Variants in NTM observed in about 807,000 individuals in gnomAD.
NTM encodes the protein neurotrimin, also known as IgLON family member 2.
NTM carries 13 observed loss-of-function variants against 42.1 expected under a neutral mutation model. The ratio of observed to expected loss-of-function variants is 0.31; its 90% CI spans 0.20 to 0.49. NTM has a LOEUF of 0.49. NTM is among the 20% of genes least tolerant of loss of function. NTM has a pLI of 0.99. For missense variants in NTM, 373 were observed against 452.8 expected, an observed-to-expected ratio of 0.82 and a Z score of 1.60; for synonymous variants, 187 against 179.2, an observed-to-expected ratio of 1.04 and a Z score of -0.35.
intron 1 of NTM, among the ~76,000 whole-genome samples, chr11:131,427,538 T>C (rs1384107363): frequency 1.3e-5 from 2 of 152,138 alleles, no homozygotes; most frequent in Non-Finnish European, 2.9e-5. Context: ...TAAATAAAAG[T>C]TTGAAATTCC....
chr11:131,954,828 C>A (rs753012531), intron 2 of NTM, among the ~76,000 whole-genome samples: 5 of 152,130 alleles, frequency 3.3e-5, no homozygotes, highest in Non-Finnish European at 7.4e-5. Flanking sequence ...TGAATTCAAT[C>A]TTTTGTTACC....
At chr11:131,855,170 C>T (rs1158905707) in intron 1 of NTM, among the ~76,000 whole-genome samples, 5 of 152,070 alleles carry the variant, frequency 3.3e-5, no homozygotes, top group Non-Finnish European at 7.4e-5. Context: ...AAATTTAGAA[C>T]AATTTAAGCG....
At chr11:132,096,074 C>T (rs2136472503) in intron 2 of NTM, among the ~76,000 whole-genome samples, 1 of 152,320 alleles carries the variant, frequency 6.6e-6, no homozygotes, top group South Asian at 2.1e-4. Flanking sequence ...AGAGTGCAGT[C>T]AAGCCTCAGT....
At chr11:131,733,479 C>A (rs186754124) in intron 1 of NTM, among the ~76,000 whole-genome samples, 1 of 140,358 alleles carries the variant, frequency 7.1e-6, no homozygotes, top group Non-Finnish European at 1.6e-5. Context: ...TCCTTCCTTC[C>A]TTCCTTCCTT....
At chr11:131,926,818 C>T (rs497747) in intron 2 of NTM, among the ~76,000 whole-genome samples, 85,446 of 152,000 alleles carry the variant, frequency 0.56, 24,578 homozygotes, top group East Asian at 0.93. Context: ...CATCCAGCCG[C>T]GAGGATCCGG....
At chr11:131,643,269 A>C (rs1345627923) in intron 1 of NTM, among the ~76,000 whole-genome samples, 1 of 152,236 alleles carries the variant, frequency 6.6e-6, no homozygotes, top group African/African-American at 2.4e-5. Flanking sequence ...TATCAACAGG[A>C]GACTCCTGCT....
chr11:132,304,506 G>A (rs1361525289), intron 4 of NTM, among the ~76,000 whole-genome samples: 2 of 151,722 alleles, frequency 1.3e-5, no homozygotes, highest in African/African-American at 4.8e-5. Flanking sequence ...GCTTTTAAAC[G>A]AAACTTTTCG....
chr11:132,003,926 C>G lies in NTM; in HGVS notation c.167+92278C>G, dbSNP rs1343864755. Among the ~76,000 whole-genome samples, 2 of 152,166 alleles carry G rather than the reference C, an allele frequency of 1.3e-5. No homozygotes were observed. Among genetic ancestry groups the G allele is most frequent in the Non-Finnish European group, 2.9e-5 (2 of 68,026 alleles). ...GAACATTCTTTAGCCACTCGATGGC[C>G]CAGAGCCCCATCCTCATTGTTCAGG... On this transcript the variant is annotated intron_variant, in intron 2 of 8. Transcript: ENST00000683400. The surrounding 1 kb of genome is among the most constrained non-coding windows in gnomAD (Gnocchi z 6.0).
chr11:131,500,632 C>T (rs866361635), intron 1 of NTM, among the ~76,000 whole-genome samples: 101 of 143,746 alleles, frequency 7.0e-4, no homozygotes, highest in Middle Eastern at 4.1e-3. Flanking sequence ...ATGGGCACAA[C>T]GTGCAGGTTT....
chr11:131,740,080 G>A (rs886489903), intron 1 of NTM, among the ~76,000 whole-genome samples: 1 of 152,172 alleles, frequency 6.6e-6, no homozygotes, highest in South Asian at 2.1e-4. Context: ...TTTGGTCACC[G>A]ACTCTCAGTT....
chr11:131,390,783 C>T (rs1206185446), intron 1 of NTM, among the ~76,000 whole-genome samples: 1 of 152,108 alleles, frequency 6.6e-6, no homozygotes, highest in African/African-American at 2.4e-5. Flanking sequence ...ATTCTCAAGC[C>T]CCACCCCCAG....
At chr11:132,012,085 T>C (rs1470498004) in intron 2 of NTM, among the ~76,000 whole-genome samples, 2 of 152,208 alleles carry the variant, frequency 1.3e-5, no homozygotes, top group African/African-American at 4.8e-5. Context: ...CGATGCTCTT[T>C]GATTCATTTT....
At chr11:132,176,643 A>G (rs1314859640) in intron 3 of NTM, among the ~76,000 whole-genome samples, 3 of 149,754 alleles carry the variant, frequency 2.0e-5, no homozygotes, top group Non-Finnish European at 3.0e-5. Context: ...GTGTTATTAT[A>G]TTCATATATT....
chr11:131,411,553 GTGT>G (rs1565475047), intron 1 of NTM, among the ~76,000 whole-genome samples: 1 of 146,060 alleles, frequency 6.8e-6, no homozygotes, highest in African/African-American at 2.7e-5. Flanking sequence ...GTGTGTGTGT[GTGT>G]GTGTGTGTGT....
intron 2 of NTM, chr11:131,981,146 C>G (rs2065167556): frequency 6.6e-6 from 1 of 152,156 alleles, no homozygotes; most frequent in Admixed American, 6.6e-5. Flanking sequence ...GCAACTGCAG[C>G]CTGAAGAGTC....
chr11:132,300,184 A>C (rs2140109439), intron 4 of NTM, among the ~76,000 whole-genome samples: 1 of 152,230 alleles, frequency 6.6e-6, no homozygotes, highest in Middle Eastern at 3.4e-3. Flanking sequence ...TCTGATTATT[A>C]TTTCATTTCT....
chr11:132,046,051 T>C (rs1450158922), intron 2 of NTM, among the ~76,000 whole-genome samples: 4 of 152,210 alleles, frequency 2.6e-5, no homozygotes, highest in African/African-American at 9.7e-5. Context: ...TTTTAGACTA[T>C]AACCATCCAA....
Position 132,021,060 on chromosome 11 carries a change from C to A in NTM, c.167+109412C>A, listed in dbSNP as rs190321266. On this transcript the variant is annotated intron_variant, in intron 2 of 8. Transcript: ENST00000683400. ...GCACTCTGAGGCTTTGTTTATTTTT[C>A]TTCTGTCTTTTTTCCCCTCTTTTTC... Among the ~76,000 whole-genome samples, 136 of 152,004 alleles carry A rather than the reference C, an allele frequency of 8.9e-4. 1 individual carries two copies. Among genetic ancestry groups the A allele is most frequent in the African/African-American group, 3.1e-3 (130 of 41,512 alleles).
chr11:132,275,690 TTATATATATATG>T (rs1555059979), intron 4 of NTM, among the ~76,000 whole-genome samples: 59 of 100,172 alleles, frequency 5.9e-4, no homozygotes, highest in African/African-American at 1.6e-3. Flanking sequence ...ACTTGATGTT[TTATATATATATG>T]TATATATATA....
Sources: allele counts gnomAD v4.1 joint callset (sites outside exome capture counted in the v4.1 genomes callset), GRCh38; gene constraint gnomAD v4.1.1; non-coding constraint Gnocchi (gnomAD v3.1); transcripts MANE v1.5; gene names NCBI Gene and HGNC (gene_info 2026-07-23, HGNC 2026-07-21).